Variants in MADD observed in about 807,000 individuals in gnomAD.
The protein encoded by MADD is MAP kinase activating death domain, also known as MAP kinase-activating death domain protein.
In MADD, 109 loss-of-function variants were observed where a neutral mutation model predicts 176.7. That is an observed-to-expected ratio of 0.62 (90% CI 0.53 to 0.72). The LOEUF is 0.72. Among genes scored for constraint, MADD ranks in the 30% least tolerant of loss-of-function variants. The probability of loss-of-function intolerance (pLI) is 0.00; values close to 1 mark genes in which losing one functional copy is unlikely to be tolerated. For missense variants in MADD, 1,914 were observed against 2,045.5 expected, an observed-to-expected ratio of 0.94 and a Z score of 1.24; for synonymous variants, 771 against 771.3, an observed-to-expected ratio of 1.00 and a Z score of 0.01.
At chr11:47,270,758 G>A (rs1372493421) in intron 1 of MADD, 1 of 152,216 alleles carries the variant, frequency 6.6e-6, no homozygotes, top group East Asian at 1.9e-4. Context: ...CCATCCTCGT[G>A]TATCTACCTT....
intron 22 of MADD, among the ~76,000 whole-genome samples, chr11:47,301,272 C>A (rs1446191984): frequency 6.6e-6 from 1 of 152,064 alleles, no homozygotes; most frequent in East Asian, 1.9e-4. Flanking sequence ...ACCACCACAA[C>A]CGGCTAAATT....
chr11:47,277,451 C>T (rs2051249760), intron 5 of MADD, among the ~76,000 whole-genome samples: 1 of 152,190 alleles, frequency 6.6e-6, no homozygotes, highest in East Asian at 1.9e-4. Flanking sequence ...GCCACCACCA[C>T]ACACCAAATA....
chr11:47,293,259 T>C (rs957127764), intron 19 of MADD, among the ~76,000 whole-genome samples: 7 of 151,996 alleles, frequency 4.6e-5, no homozygotes, highest in Non-Finnish European at 1.0e-4. Context: ...CTCAGACTCT[T>C]GAGTGCCATG....
intron 3 of MADD, among the ~76,000 whole-genome samples, chr11:47,275,361 G>C (rs369546985): frequency 6.6e-6 from 1 of 152,116 alleles, no homozygotes; most frequent in Non-Finnish European, 1.5e-5. Flanking sequence ...GTGCGATCTC[G>C]GCTCACTGCA....
chr11:47,297,747 AG>A (rs370159880), intron 22 of MADD, among the ~76,000 whole-genome samples: 4 of 143,238 alleles, frequency 2.8e-5, no homozygotes, highest in African/African-American at 1.0e-4. Flanking sequence ...CTCCCGGCCA[AG>A]GGTTTTCAAT....
At chr11:47,327,191 C>T (rs998541322) in intron 31 of MADD, 24 of 1,007,824 alleles carry the variant, frequency 2.4e-5, no homozygotes, top group African/African-American at 6.9e-5. Context: ...CAGCCCAGTG[C>T]GCTAGCCAGC....
exon 10 of MADD, chr11:47,282,844 G>A (rs769316128): frequency 1.9e-6 from 3 of 1,614,110 alleles, no homozygotes; most frequent in Non-Finnish European, 2.5e-6. Context: ...TTGGTGACAA[G>A]CCAAAGTGGT....
At chr11:47,283,091 AT>A in intron 10 of MADD, 122 bp downstream of exon 10, 1 of 825,838 alleles carries the variant, frequency 1.2e-6, no homozygotes, top group Non-Finnish European at 1.6e-6. Flanking sequence ...ATTTTATTTT[AT>A]TTTATTTATT....
intron 27 of MADD, among the ~76,000 whole-genome samples, chr11:47,319,561 C>T (rs2093976140): frequency 1.3e-5 from 2 of 152,204 alleles, no homozygotes; most frequent in African/African-American, 4.8e-5. Context: ...GCCTTTCAAT[C>T]CTTTGTCCCA....
Position 47,274,852 on chromosome 11 carries a change from G to GGGAA in MADD, c.361_364dup (p.Thr122ArgfsTer14). On this transcript the variant is annotated frameshift_variant, in exon 3 of 33. Coordinates refer to ENST00000402192, the Ensembl canonical transcript of MADD. LOFTEE classifies it high-confidence loss of function. ...GGGGGAAGGTGGGGCAGGGTCCCGT[G>GGGAA]GGAAGGAAGGAACCCATGCCACCTG... The GGGAA allele has an allele frequency of 6.2e-7, 1 of 1,614,198 alleles. No homozygotes were observed. Among genetic ancestry groups the GGGAA allele is most frequent in the Non-Finnish European group, 8.5e-7 (1 of 1,180,036 alleles).
chr11:47,282,461 C>T, exon 9 of MADD: 1 of 1,614,204 alleles, frequency 6.2e-7, no homozygotes, highest in Non-Finnish European at 8.5e-7. Flanking sequence ...CGCCTCTTTC[C>T]TCGGCCTGTG....
intron 22 of MADD, among the ~76,000 whole-genome samples, chr11:47,298,496 T>G (rs1447357230): frequency 6.6e-6 from 1 of 152,256 alleles, no homozygotes. Flanking sequence ...GAGAGAGATC[T>G]ATTCAGCTCA....
Position 47,284,279 on chromosome 11 carries a change from C to A in MADD, c.1964C>A (p.Pro655His), listed in dbSNP as rs140432953. The A allele has an allele frequency of 3.7e-6, 6 of 1,613,612 alleles. No homozygotes were observed. The African/African-American group carries it at 8.0e-5, about 22-fold the overall frequency. ...AAATGTGACATTAATGGTGATACTCCCAGTAAGTGTGCTTGGGGAGATTGG... is the reference window on the plus strand; with the variant it reads ...AAATGTGACATTAATGGTGATACTCACAGTAAGTGTGCTTGGGGAGATTGG... Residue 655 changes from proline (P) to histidine (H), a missense_variant and splice_region_variant, in exon 11 of 33, where the codon CCC becomes CAC. By Grantham distance (77) the Pro-to-His change is moderately conservative (BLOSUM62 -2). Around this residue, in one of 2 missense-constraint regions of MADD, gnomAD observed 1,767 missense variants for 1,836.0 expected, o/e 0.96. Coordinates refer to ENST00000402192, the Ensembl canonical transcript of MADD.
At chr11:47,320,147 T>C (rs1426116514) in intron 27 of MADD, among the ~76,000 whole-genome samples, 1 of 151,588 alleles carries the variant, frequency 6.6e-6, no homozygotes, top group Non-Finnish European at 1.5e-5. Flanking sequence ...CTAGTGCCTC[T>C]CACTATTTTT....
intron 6 of MADD, 55 bp downstream of exon 6, chr11:47,278,333 C>A: frequency 1.6e-6 from 2 of 1,271,388 alleles, no homozygotes; most frequent in Non-Finnish European, 2.3e-6. Context: ...CATTCTAGAC[C>A]CAGTCCTGAG....
At chr11:47,270,931 A>C (rs1355110402) in intron 1 of MADD, 2 of 152,282 alleles carry the variant, frequency 1.3e-5, no homozygotes, top group African/African-American at 4.8e-5. Context: ...TGTTCACGTC[A>C]GCAGAGATGT....
intron 31 of MADD, chr11:47,327,815 G>A (rs988981631): frequency 1.0e-6 from 1 of 985,408 alleles, no homozygotes; most frequent in Non-Finnish European, 1.2e-6. Context: ...GGCCCCCAGG[G>A]AGATGCCAGG....
exon 33 of MADD, chr11:47,329,182 G>C (rs766329325): frequency 5.8e-6 from 9 of 1,548,108 alleles, no homozygotes; most frequent in Non-Finnish European, 4.5e-6. Context: ...CCCCAGCCCA[G>C]GGCACGCCCC....
At chr11:47,274,427 C>T in intron 2 of MADD, 136 bp from the exon 3 acceptor site, 1 of 739,020 alleles carries the variant, frequency 1.4e-6, no homozygotes, top group South Asian at 1.7e-5. Flanking sequence ...GCAGGCAGCA[C>T]CCATATTTTC....
Sources: gnomAD v4.1 joint callset for allele counts (sites outside exome capture counted in the v4.1 genomes callset) on GRCh38, gnomAD v4.1.1 for gene constraint, gnomAD v4.1.1 regional missense constraint, MANE v1.5 for transcripts, NCBI Gene and HGNC (gene_info 2026-07-23, HGNC 2026-07-21) for gene names.